The following R3HDM4 variants were observed in gnomAD, a reference collection of about 807,000 sequenced individuals.
The protein encoded by R3HDM4 is R3H domain-containing protein 4.
R3HDM4 carries 30 observed loss-of-function variants against 31.3 expected under a neutral mutation model. That is an observed-to-expected ratio of 0.96 (90% confidence interval 0.72 to 1.30). R3HDM4 has a LOEUF of 1.30. Ranked by LOEUF, R3HDM4 falls within the 50% of genes most tolerant of loss-of-function variation. R3HDM4 has a pLI of 0.00. For missense variants in R3HDM4, 444 were observed against 366.1 expected, an observed-to-expected ratio of 1.21 and a Z score of -1.74; for synonymous variants, 196 against 156.6, an observed-to-expected ratio of 1.25 and a Z score of -1.88.
At chr19:910,000 C>T (rs1422143259) in intron 1 of R3HDM4, among the ~76,000 whole-genome samples, 1 of 151,766 alleles carries the variant, frequency 6.6e-6, no homozygotes, top group Non-Finnish European at 1.5e-5. Flanking sequence ...GCCTAGGCAA[C>T]ATAGTAAGAC....
rs544434451 is a variant in R3HDM4, at chr19:901,086, G to A, written c.352-134C>T. 2.0e-4 allele frequency: 231 copies of A among 1,177,136 alleles called. 2 individuals carry two copies. The South Asian group carries it at 2.0e-3, about 10-fold the overall frequency. 72.9% of individuals were successfully genotyped at this position (1,177,136 alleles called of 1,614,324 possible). A position where few individuals can be genotyped will look rare whatever the true frequency, so the allele number is the denominator to read the frequency against. ...GGTCACCTCTGTCCACTGAGGGGCC[G>A]CTGCTTGTGTCGGGCCCTGAGCTGA... On this transcript the variant is annotated intron_variant, in intron 3 of 7. Coordinates refer to ENST00000361574, the MANE Select transcript of R3HDM4 (RefSeq NM_138774.4).
intron 1 of R3HDM4, among the ~76,000 whole-genome samples, chr19:911,056 G>C (rs558772799): frequency 2.0e-5 from 3 of 152,020 alleles, no homozygotes; most frequent in Non-Finnish European, 4.4e-5. Context: ...AGGAGGCGGA[G>C]CTTGCAGTGA....
chr19:897,432 C>T lies in R3HDM4; in HGVS notation c.*5G>A, dbSNP rs897408734. 7.5e-6 allele frequency: 12 copies of T among 1,594,238 alleles called. No individual in the cohort carries two copies. Among genetic ancestry groups the T allele is most frequent in the East Asian group, 6.8e-5 (3 of 44,154 alleles). On this transcript the variant is annotated 3_prime_UTR_variant, in exon 8 of 8. Coordinates refer to ENST00000361574, the MANE Select transcript of R3HDM4 (RefSeq NM_138774.4). ...GGTGGCAGCGGGGTCTCCGCGGGGC[C>T]GCCATCAGCTGTGCTGCTCCAGGTA...
chr19:911,770 C>A (rs2036973990), intron 1 of R3HDM4, among the ~76,000 whole-genome samples: 1 of 152,134 alleles, frequency 6.6e-6, no homozygotes, highest in South Asian at 2.1e-4. Context: ...CACGGCTGAC[C>A]CCCGCACAGA....
chr19:913,056 C>T lies in R3HDM4; in HGVS notation c.71+31G>A. On this transcript the variant is annotated intron_variant, in intron 1 of 7. Transcript: ENST00000361574. This position sits in a 1 kb window ranked among gnomAD's most constrained non-coding sequence, Gnocchi z 5.0. ...GGGAGGGAGCCCAGCCCGCCCCCGGCGCCCGCCGCGCCCCGCCCGCCCGCG... is the reference window on the plus strand; with the variant it reads ...GGGAGGGAGCCCAGCCCGCCCCCGGTGCCCGCCGCGCCCCGCCCGCCCGCG... 1 of 876,300 alleles carries T rather than the reference C, an allele frequency of 1.1e-6. No individual in the cohort carries two copies. Among genetic ancestry groups the T allele is most frequent in the South Asian group, 5.1e-5 (1 of 19,688 alleles). The allele number at this position is 876,300 out of a possible 1,614,324, so 54.3% of individuals were successfully genotyped here.
rs1307193522 is a variant in R3HDM4, at chr19:900,058, C to A, written c.561+3G>T. The A allele has an allele frequency of 6.2e-7, 1 of 1,610,790 alleles. No homozygotes were observed. The highest frequency in any genetic ancestry group is 1.1e-5 in the South Asian group (1 of 91,044). ...AAGGGAGGCCCGGCAATCCCCCACT[C>A]ACCATGGGGATGCGGCTGCGCTTGA... On this transcript the variant is annotated splice_donor_region_variant and intron_variant, in intron 5 of 7. Transcript: ENST00000361574.
rs1225214700 is a variant in R3HDM4, at chr19:902,145, A to G, written c.72-15T>C. 3 of 1,611,186 alleles carry G rather than the reference A, an allele frequency of 1.9e-6. No individual in the cohort carries two copies. The African/African-American group carries it at 4.0e-5, about 22-fold the overall frequency. Reference sequence around the variant, plus strand: ...TGGGAAGGGGCCTGTGGGCCGGGGCAGGGGTGGTCCTCAGGGTCAAGGCCG... The same window carrying G: ...TGGGAAGGGGCCTGTGGGCCGGGGCGGGGGTGGTCCTCAGGGTCAAGGCCG... On this transcript the variant is annotated splice_polypyrimidine_tract_variant and intron_variant, in intron 1 of 7. Coordinates refer to ENST00000361574, the MANE Select transcript of R3HDM4 (RefSeq NM_138774.4).
chr19:896,629 G>T lies in R3HDM4; in HGVS notation c.*808C>A, dbSNP rs985914032. On this transcript the variant is annotated 3_prime_UTR_variant, in exon 8 of 8. Coordinates refer to ENST00000361574, the MANE Select transcript of R3HDM4 (RefSeq NM_138774.4). This position sits in a 1 kb window ranked among gnomAD's most constrained non-coding sequence, Gnocchi z 4.0. Reference sequence around the variant, plus strand: ...GCCTGGGCCAGGAGGACCAGCATGGGGACACAGGAGCTATCAGGCAGGAGT... The same window carrying T: ...GCCTGGGCCAGGAGGACCAGCATGGTGACACAGGAGCTATCAGGCAGGAGT... The T allele has an allele frequency of 6.6e-6, 1 of 152,666 alleles. No individual in the cohort carries two copies. The highest frequency in any genetic ancestry group is 2.4e-5 in the African/African-American group (1 of 41,446). The allele number at this position is 152,666 out of a possible 1,614,324, so 9.5% of individuals were successfully genotyped here. A position where few individuals can be genotyped will look rare whatever the true frequency, so the allele number is the denominator to read the frequency against.
chr19:899,485 G>T lies in R3HDM4; in HGVS notation c.658C>A (p.Leu220Ile), dbSNP rs777573453. 47 of 1,613,734 alleles carry T rather than the reference G, an allele frequency of 2.9e-5. No homozygotes were observed. The highest frequency in any genetic ancestry group is 4.0e-5 in the Non-Finnish European group (47 of 1,179,966). ...TAMLDNSFER[L>I]LLHAVCQYMD... ...TACTGGCAGACAGCGTGCAGCAGAA[G>T]CCTCTCGAAGCTGTGGGGAACGGGC... The change falls in exon 7 of 8, where the codon CTT becomes ATT. Residue 220 changes from leucine (L) to isoleucine (I), a missense_variant. Leu to Ile is a conservative substitution (Grantham distance 5, BLOSUM62 2). Coordinates refer to ENST00000361574, the MANE Select transcript of R3HDM4 (RefSeq NM_138774.4). This position sits in a 1 kb window ranked among gnomAD's most constrained non-coding sequence, Gnocchi z 6.8.
At chr19:904,697 G>A (rs2036881050) in intron 1 of R3HDM4, among the ~76,000 whole-genome samples, 1 of 151,894 alleles carries the variant, frequency 6.6e-6, no homozygotes, top group Non-Finnish European at 1.5e-5. Context: ...GATCACTTGA[G>A]CCCAGAAGGT....
chr19:911,756 G>A (rs2036973733), intron 1 of R3HDM4, among the ~76,000 whole-genome samples: 1 of 152,110 alleles, frequency 6.6e-6, no homozygotes, highest in South Asian at 2.1e-4. Context: ...GGGCCGGGGT[G>A]ACACACGGCT....
In R3HDM4 at chr19:913,191, C is replaced by A; in HGVS notation, c.-34G>T. 1 of 1,058,106 alleles carries A rather than the reference C, an allele frequency of 9.5e-7. No individual in the cohort carries two copies. The allele number at this position is 1,058,106 out of a possible 1,614,324, so 65.5% of individuals were successfully genotyped here. A position where few individuals can be genotyped will look rare whatever the true frequency, so the allele number is the denominator to read the frequency against. On this transcript the variant is annotated 5_prime_UTR_variant, in exon 1 of 8. Coordinates refer to ENST00000361574, the MANE Select transcript of R3HDM4 (RefSeq NM_138774.4). The surrounding 1 kb of genome is among the most constrained non-coding windows in gnomAD (Gnocchi z 5.0). ...CGCTGTCGCCGCCGCCGCCGCCCGGCAGGGCCTTCACCGGGCCGGGCAGGA... is the reference window on the plus strand; with the variant it reads ...CGCTGTCGCCGCCGCCGCCGCCCGGAAGGGCCTTCACCGGGCCGGGCAGGA...
At chr19:903,412 G>T (rs1021592089) in intron 1 of R3HDM4, among the ~76,000 whole-genome samples, 15 of 152,128 alleles carry the variant, frequency 9.9e-5, no homozygotes, top group African/African-American at 3.1e-4. Context: ...CACTCAGTGT[G>T]GGGGGAATAG....
chr19:902,796 T>A (rs2036853996), intron 1 of R3HDM4, among the ~76,000 whole-genome samples: 1 of 151,888 alleles, frequency 6.6e-6, no homozygotes, highest in Non-Finnish European at 1.5e-5. Context: ...CAAAAATTAA[T>A]CAGGCGTGGT....
intron 1 of R3HDM4, among the ~76,000 whole-genome samples, chr19:903,988 T>C (rs556696598): frequency 3.3e-5 from 5 of 151,862 alleles, no homozygotes; most frequent in African/African-American, 9.7e-5. Context: ...GAGGCAGAGC[T>C]TGCAGTGAGC....
In R3HDM4 at chr19:896,625, A is replaced by T. The variant is rs1392916700; in HGVS notation, c.*812T>A. ...TGCAGCCTGGGCCAGGAGGACCAGC[A>T]TGGGGACACAGGAGCTATCAGGCAG... is the stretch of plus-strand genomic sequence containing the variant. On this transcript the variant is annotated 3_prime_UTR_variant, in exon 8 of 8. Transcript: ENST00000361574. The surrounding 1 kb of genome is among the most constrained non-coding windows in gnomAD (Gnocchi z 4.0). 1 of 152,568 alleles carries T rather than the reference A, an allele frequency of 6.6e-6. No individual in the cohort carries two copies. Among genetic ancestry groups the T allele is most frequent in the African/African-American group, 2.4e-5 (1 of 41,432 alleles). The allele number at this position is 152,568 out of a possible 1,614,324, so 9.5% of individuals were successfully genotyped here.
intron 1 of R3HDM4, among the ~76,000 whole-genome samples, chr19:903,699 TG>T (rs2036867117): frequency 6.6e-6 from 1 of 152,058 alleles, no homozygotes; most frequent in Admixed American, 6.6e-5. Context: ...GAGGCTGCGG[TG>T]AGCTGTGACT....
In R3HDM4 at chr19:900,092, C is replaced by T. The variant is rs368367301; in HGVS notation, c.530G>A (p.Arg177Gln). 16 of 1,609,078 alleles carry T rather than the reference C, an allele frequency of 9.9e-6. No individual in the cohort carries two copies. Among genetic ancestry groups the T allele is most frequent in the African/African-American group, 4.0e-5 (3 of 74,648 alleles). ...GATGCGGCTGCGCTTGAGGACGGCT[C>T]GCAGACGCCGGCTGATGCGCTGGAA... is the stretch of plus-strand genomic sequence containing the variant. ...ECFQRISRRL[R>Q]AVLKRSRIPM... is the part of the protein sequence containing the mutation. The change falls in exon 5 of 8, where the codon CGA becomes CAA. Residue 177 changes from arginine to glutamine, a missense_variant. By Grantham distance (43) the Arg-to-Gln change is conservative (BLOSUM62 1). Transcript: ENST00000361574.
chr19:910,325 A>G (rs1287108619), intron 1 of R3HDM4, among the ~76,000 whole-genome samples: 1 of 134,550 alleles, frequency 7.4e-6, no homozygotes, highest in Admixed American at 7.1e-5. Flanking sequence ...AACCATCTCA[A>G]AAAAAAAAAA....
Sources: allele counts gnomAD v4.1 joint callset (sites outside exome capture counted in the v4.1 genomes callset), GRCh38; gene constraint gnomAD v4.1.1; non-coding constraint Gnocchi (gnomAD v3.1); transcripts MANE v1.5; gene names NCBI Gene and HGNC (gene_info 2026-07-23, HGNC 2026-07-21).